The following PAPPA variants were observed in gnomAD, a reference collection of about 807,000 sequenced individuals.
PAPPA encodes the protein pappalysin-1.
A neutral mutation model predicts 164.0 loss-of-function variants in PAPPA; 60 were observed. The observed-to-expected ratio is 0.37, with a 90% CI of 0.30 to 0.45. PAPPA has a LOEUF of 0.45. Among genes scored for constraint, PAPPA ranks in the 20% least tolerant of loss-of-function variants. PAPPA has a pLI of 1.00. For missense variants in PAPPA, 1,782 were observed against 2,087.3 expected, an observed-to-expected ratio of 0.85 and a Z score of 2.85; for synonymous variants, 875 against 814.1, an observed-to-expected ratio of 1.07 and a Z score of -1.27.
intron 1 of PAPPA, among the ~76,000 whole-genome samples, chr9:116,157,441 CAA>C (rs1843617361): frequency 6.6e-6 from 1 of 152,116 alleles, no homozygotes; most frequent in East Asian, 1.9e-4. Context: ...AAAACAAAGC[CAA>C]AGTTAGAAAG....
At chr9:116,171,995 G>T (rs1261309026) in intron 1 of PAPPA, among the ~76,000 whole-genome samples, 2 of 152,168 alleles carry the variant, frequency 1.3e-5, no homozygotes, top group South Asian at 2.1e-4. Flanking sequence ...AGCTGCTATT[G>T]CTGCTCTCTG....
At chr9:116,175,412 T>G (rs973834376) in intron 1 of PAPPA, among the ~76,000 whole-genome samples, 3 of 152,224 alleles carry the variant, frequency 2.0e-5, no homozygotes, top group Non-Finnish European at 2.9e-5. Flanking sequence ...AATAAGCATG[T>G]AAGATAATGC....
intron 18 of PAPPA, 123 bp from the exon 19 acceptor site, chr9:116,367,522 T>C: frequency 1.4e-6 from 1 of 690,620 alleles, no homozygotes. Context: ...TCCCACTGCC[T>C]TCAGGTTGGG....
intron 19 of PAPPA, among the ~76,000 whole-genome samples, chr9:116,376,527 C>T (rs1024996678): frequency 1.3e-5 from 2 of 152,130 alleles, no homozygotes; most frequent in African/African-American, 4.8e-5. Context: ...AATTTACTCT[C>T]TTATGACACA....
chr9:116,353,848 CA>C, intron 17 of PAPPA, 55 bp downstream of exon 17: 4 of 1,387,246 alleles, frequency 2.9e-6, no homozygotes, highest in Non-Finnish European at 4.0e-6. Context: ...TTCTGCTTAC[CA>C]AAAACTAGCC....
Position 116,398,581 on chromosome 9 carries a change from T to A in PAPPA, c.*1965T>A. The A allele has an allele frequency of 1.6e-6, 2 of 1,274,326 alleles. No homozygotes were observed. Among genetic ancestry groups the A allele is most frequent in the Non-Finnish European group, 2.1e-6 (2 of 975,520 alleles). The allele number at this position is 1,274,326 out of a possible 1,614,324, so 78.9% of individuals were successfully genotyped here. A position where few individuals can be genotyped will look rare whatever the true frequency, so the allele number is the denominator to read the frequency against. On this transcript the variant is annotated 3_prime_UTR_variant, in exon 22 of 22. Coordinates refer to ENST00000328252, the MANE Select transcript of PAPPA (RefSeq NM_002581.5). ...GTGATCAAAAACACTTGAGAAGACA[T>A]CTATTGGCCATCTCTGGCCAATTAC...
intron 5 of PAPPA, among the ~76,000 whole-genome samples, chr9:116,225,058 A>G (rs1166621063): frequency 6.6e-6 from 1 of 152,256 alleles, no homozygotes; most frequent in Non-Finnish European, 1.5e-5. Flanking sequence ...CCTGGGATGT[A>G]TCAAGAATTC....
At chr9:116,319,988 C>T (rs1208669600) in intron 10 of PAPPA, among the ~76,000 whole-genome samples, 2 of 152,218 alleles carry the variant, frequency 1.3e-5, no homozygotes, top group African/African-American at 2.4e-5. Context: ...AGACATCTAT[C>T]TGTTGTCCCC....
At chr9:116,213,678 C>T (rs1192675457) in intron 4 of PAPPA, among the ~76,000 whole-genome samples, 2 of 151,598 alleles carry the variant, frequency 1.3e-5, no homozygotes, top group African/African-American at 4.9e-5. Flanking sequence ...CTTTTTTTTT[C>T]CCCTTTGTAC....
At position 116,372,211 on chromosome 9, in the gene PAPPA, A is replaced by T. The variant is rs917689474; in HGVS notation, c.4605+4457A>T. The stretch of plus-strand genomic sequence containing the variant: ...AGGTTCAATGCTAGAGAGAAACTGC[A>T]GGGAATGGTGGGGACTATGGCAAAC... On this transcript the variant is annotated intron_variant, in intron 19 of 21. Coordinates refer to ENST00000328252, the MANE Select transcript of PAPPA (RefSeq NM_002581.5). Among the ~76,000 whole-genome samples the T allele has an allele frequency of 5.9e-5, 9 of 152,270 alleles. 1 individual carries two copies. Among genetic ancestry groups the T allele is most frequent in the Admixed American group, 5.2e-4 (8 of 15,292 alleles).
At chr9:116,299,192 G>T (rs1845548026) in intron 9 of PAPPA, among the ~76,000 whole-genome samples, 1 of 152,140 alleles carries the variant, frequency 6.6e-6, no homozygotes, top group African/African-American at 2.4e-5. Context: ...CAATAGCTTT[G>T]TCAGCAGAAT....
intron 10 of PAPPA, among the ~76,000 whole-genome samples, chr9:116,303,567 A>G (rs1845607389): frequency 6.6e-6 from 1 of 152,120 alleles, no homozygotes; most frequent in African/African-American, 2.4e-5. Context: ...ATGATTCTAG[A>G]GATGGTCATG....
chr9:116,347,415 G>A lies in PAPPA; in HGVS notation c.3964+206G>A, dbSNP rs946857291. ...AAAGAGTGTATGGATAATTATGACAGTGAAGCCCTTTCCAAGACCTTGGAA... is the reference window on the plus strand; with the variant it reads ...AAAGAGTGTATGGATAATTATGACAATGAAGCCCTTTCCAAGACCTTGGAA... On this transcript the variant is annotated intron_variant, in intron 15 of 21. Coordinates refer to ENST00000328252, the MANE Select transcript of PAPPA (RefSeq NM_002581.5). This position sits in a 1 kb window ranked among gnomAD's most constrained non-coding sequence, Gnocchi z 4.5. 1.3e-5 allele frequency among the ~76,000 whole-genome samples: 2 copies of A among 152,060 alleles called. No homozygotes were observed. The highest frequency in any genetic ancestry group is 2.9e-5 in the Non-Finnish European group (2 of 68,030).
intron 1 of PAPPA, among the ~76,000 whole-genome samples, chr9:116,171,146 G>A (rs1199374948): frequency 6.6e-6 from 1 of 152,274 alleles, no homozygotes; most frequent in East Asian, 1.9e-4. Context: ...TGAAATGGAA[G>A]CCTTTCTTTG....
chr9:116,166,821 C>A (rs1295597125), intron 1 of PAPPA, among the ~76,000 whole-genome samples: 1 of 152,154 alleles, frequency 6.6e-6, no homozygotes, highest in Non-Finnish European at 1.5e-5. Flanking sequence ...CAAGGCCTGA[C>A]ACATTGCTTG....
intron 4 of PAPPA, 36 bp downstream of exon 4, chr9:116,211,968 G>T: frequency 1.3e-6 from 2 of 1,574,800 alleles, no homozygotes; most frequent in South Asian, 1.1e-5. Context: ...AACAGGTCTG[G>T]ATGTCAGATG....
At chr9:116,360,290 C>T (rs1226236898) in intron 17 of PAPPA, among the ~76,000 whole-genome samples, 1 of 147,690 alleles carries the variant, frequency 6.8e-6, no homozygotes, top group Non-Finnish European at 1.5e-5. Context: ...TCTTTGAAGC[C>T]ACATGAAGCT....
intron 5 of PAPPA, among the ~76,000 whole-genome samples, chr9:116,221,413 CT>C (rs1844444660): frequency 6.6e-6 from 1 of 152,140 alleles, no homozygotes; most frequent in Admixed American, 6.5e-5. Context: ...GTTAATATTA[CT>C]TTATTGTAGT....
chr9:116,347,547 A>G lies in PAPPA; in HGVS notation c.3964+338A>G, dbSNP rs1846227793. ...CATTTGGGACTGATGAAACTAATTC[A>G]CTCTGTATGATTAGGGCCAGTAAGC... On this transcript the variant is annotated intron_variant, in intron 15 of 21. Transcript: ENST00000328252. This position sits in a 1 kb window ranked among gnomAD's most constrained non-coding sequence, Gnocchi z 4.5. Among the ~76,000 whole-genome samples the G allele has an allele frequency of 6.6e-6, 1 of 152,066 alleles. No homozygotes were observed. The highest frequency in any genetic ancestry group is 2.4e-5 in the African/African-American group (1 of 41,420).
Sources: gnomAD v4.1 joint callset for allele counts (sites outside exome capture counted in the v4.1 genomes callset) on GRCh38, gnomAD v4.1.1 for gene constraint, Gnocchi (gnomAD v3.1) non-coding constraint, MANE v1.5 for transcripts, NCBI Gene and HGNC (gene_info 2026-07-23, HGNC 2026-07-21) for gene names.